Variants in ADAM12 observed in about 807,000 individuals in gnomAD.
ADAM12 encodes ADAM metallopeptidase domain 12, also known as disintegrin and metalloproteinase domain-containing protein 12.
ADAM12 carries 70 observed loss-of-function variants against 106.4 expected under a neutral mutation model. That is an observed-to-expected ratio of 0.66 (90% CI 0.54 to 0.80). The LOEUF is 0.80. Among genes scored for constraint, ADAM12 ranks in the 30% least tolerant of loss-of-function variants. The probability of loss-of-function intolerance (pLI) is 0.00; values close to 1 mark genes in which losing one functional copy is unlikely to be tolerated. For synonymous variants in ADAM12, 420 were observed against 433.5 expected, an observed-to-expected ratio of 0.97 and a Z score of 0.39; for missense variants, 1,010 against 1,171.9, an observed-to-expected ratio of 0.86 and a Z score of 2.02.
intron 16 of ADAM12, among the ~76,000 whole-genome samples, chr10:126,046,801 C>CAAAAAAAAAAA (rs60056450): frequency 2.0e-4 from 10 of 49,916 alleles, no homozygotes; most frequent in African/African-American, 6.4e-4. Context: ...GATTCCGTCT[C>CAAAAAAAAAAA]AAAAAAAAAA....
At chr10:126,218,171 AGT>A (rs775996475) in intron 3 of ADAM12, among the ~76,000 whole-genome samples, 87 of 130,622 alleles carry the variant, frequency 6.7e-4, no homozygotes, top group Non-Finnish European at 1.2e-3. Flanking sequence ...ACAGTTGTTG[AGT>A]GTGTGTGTGG....
chr10:126,033,126 C>T (rs1341454418), intron 21 of ADAM12, among the ~76,000 whole-genome samples: 4 of 152,164 alleles, frequency 2.6e-5, no homozygotes, highest in Non-Finnish European at 5.9e-5. Flanking sequence ...CAGTGGTATG[C>T]TTGAGCTGGC....
chr10:126,027,234 T>C (rs1170515739), intron 21 of ADAM12, among the ~76,000 whole-genome samples: 3 of 152,138 alleles, frequency 2.0e-5, no homozygotes, highest in Admixed American at 6.5e-5. Context: ...CAGTAGTAAA[T>C]AGCCTACCAA....
intron 5 of ADAM12, 83 bp downstream of exon 5, chr10:126,135,501 T>G: frequency 7.3e-7 from 1 of 1,373,590 alleles, no homozygotes; most frequent in Non-Finnish European, 1.0e-6. Context: ...TCACTCTCAG[T>G]GCTTTAGCAC....
intron 9 of ADAM12, among the ~76,000 whole-genome samples, chr10:126,100,757 AC>A (rs1565057211): frequency 6.6e-6 from 1 of 152,036 alleles, no homozygotes; most frequent in Non-Finnish European, 1.5e-5. Context: ...AAAATAGGCT[AC>A]TCAGAACAAC....
rs138400793 is a variant in ADAM12, at chr10:126,148,659, A to C, written c.339+6568T>G. 7.7e-3 allele frequency among the ~76,000 whole-genome samples: 1,175 copies of C among 152,320 alleles called. 7 individuals carry two copies. Among genetic ancestry groups the C allele is most frequent in the Non-Finnish European group, 0.012 (843 of 68,034 alleles). ...TTCTGGAGATTTGGGGGTGCCAATTAATCTAGCTTTCAGTTGCTTCCCCAG... is the reference window on the plus strand; with the variant it reads ...TTCTGGAGATTTGGGGGTGCCAATTCATCTAGCTTTCAGTTGCTTCCCCAG... On this transcript the variant is annotated intron_variant, in intron 4 of 22. Coordinates refer to ENST00000448723, the MANE Select transcript of ADAM12 (RefSeq NM_001288973.2).
In ADAM12 at chr10:126,136,711, G is replaced by A. The variant is rs1956411957; in HGVS notation, c.340-1051C>T. On this transcript the variant is annotated intron_variant, in intron 4 of 22. Transcript: ENST00000448723. The stretch of plus-strand genomic sequence containing the variant: ...CATGAAGAAAACCAGACACCACCAT[G>A]GGAAAGGGGCTAAGATGATCTCTTG... Among the ~76,000 whole-genome samples, 4 of 152,156 alleles carry A rather than the reference G, an allele frequency of 2.6e-5. No homozygotes were observed. In the South Asian group the frequency reaches 8.3e-4, roughly 32 times the overall value.
At chr10:126,336,905 G>T (rs59368579) in intron 1 of ADAM12, among the ~76,000 whole-genome samples, 3 of 152,136 alleles carry the variant, frequency 2.0e-5, no homozygotes, top group Non-Finnish European at 4.4e-5. Flanking sequence ...ATGACCCTGG[G>T]CAAGTTGCTT....
intron 6 of ADAM12, among the ~76,000 whole-genome samples, chr10:126,112,884 C>T (rs545954728): frequency 6.6e-6 from 1 of 152,184 alleles, no homozygotes; most frequent in African/African-American, 2.4e-5. Flanking sequence ...AACCCATATT[C>T]CTGAAACCCA....
chr10:126,341,779 C>T lies in ADAM12; in HGVS notation c.89-11270G>A, dbSNP rs113517502. On this transcript the variant is annotated intron_variant, in intron 1 of 22. Transcript: ENST00000448723. ...AGGGGAAGCTAAGCCCCAGCATGTACGTGGCTACACACCAGAAGGCAGTGG... is the reference window on the plus strand; with the variant it reads ...AGGGGAAGCTAAGCCCCAGCATGTATGTGGCTACACACCAGAAGGCAGTGG... Among the ~76,000 whole-genome samples, 13 of 152,258 alleles carry T rather than the reference C, an allele frequency of 8.5e-5. No individual in the cohort carries two copies. In the East Asian group the frequency reaches 1.2e-3, roughly 14 times the overall value.
chr10:126,366,924 A>T (rs1011565325), intron 1 of ADAM12, among the ~76,000 whole-genome samples: 13 of 152,160 alleles, frequency 8.5e-5, no homozygotes, highest in African/African-American at 2.7e-4. Context: ...TTCAAAATAC[A>T]TCAAGAAGAC....
intron 21 of ADAM12, among the ~76,000 whole-genome samples, chr10:126,035,828 A>T (rs567572100): frequency 3.2e-4 from 48 of 152,300 alleles, no homozygotes; most frequent in African/African-American, 1.2e-3. Flanking sequence ...TCTCTATTTT[A>T]CTGTACAGGC....
intron 2 of ADAM12, among the ~76,000 whole-genome samples, chr10:126,284,257 C>T (rs1168184632): frequency 2.8e-5 from 4 of 141,558 alleles, no homozygotes; most frequent in African/African-American, 1.0e-4. Flanking sequence ...CACTTGAACC[C>T]GGGAGGCAGA....
chr10:126,095,012 TCTACAGAA>T (rs1472905416), intron 10 of ADAM12, among the ~76,000 whole-genome samples: 5 of 152,198 alleles, frequency 3.3e-5, no homozygotes, highest in Admixed American at 6.5e-5. Flanking sequence ...GCATATATGA[TCTACAGAA>T]ACAGTGCCTA....
chr10:126,072,182 C>T (rs1955010405), intron 11 of ADAM12, among the ~76,000 whole-genome samples: 1 of 152,140 alleles, frequency 6.6e-6, no homozygotes, highest in South Asian at 2.1e-4. Flanking sequence ...CCTATCTTCC[C>T]CCAGCACAGT....
intron 2 of ADAM12, among the ~76,000 whole-genome samples, chr10:126,281,259 AACT>A (rs1228907127): frequency 2.6e-5 from 4 of 151,992 alleles, no homozygotes; most frequent in East Asian, 1.9e-4. Flanking sequence ...ATGTGTGTAT[AACT>A]ACATGTTTCA....
At chr10:126,132,274 C>A (rs1200609333) in intron 5 of ADAM12, among the ~76,000 whole-genome samples, 16 of 152,168 alleles carry the variant, frequency 1.1e-4, no homozygotes, top group African/African-American at 3.9e-4. Flanking sequence ...CGCCCCCGGG[C>A]AGCTTTTCTC....
chr10:126,379,147 T>A (rs1856403453), intron 1 of ADAM12, among the ~76,000 whole-genome samples: 1 of 152,124 alleles, frequency 6.6e-6, no homozygotes, highest in Admixed American at 6.6e-5. Context: ...TTCTCAAGGA[T>A]CTAGAACTAG....
At chr10:126,362,243 C>T (rs1855767121) in intron 1 of ADAM12, among the ~76,000 whole-genome samples, 1 of 152,104 alleles carries the variant, frequency 6.6e-6, no homozygotes, top group Non-Finnish European at 1.5e-5. Flanking sequence ...GAGATATTAT[C>T]TCACACCTGT....
Sources: gnomAD v4.1 joint callset for allele counts (sites outside exome capture counted in the v4.1 genomes callset) on GRCh38, gnomAD v4.1.1 for gene constraint, MANE v1.5 for transcripts, NCBI Gene and HGNC (gene_info 2026-07-23, HGNC 2026-07-21) for gene names.